The following WASF3 variants were observed in gnomAD, a reference collection of about 807,000 sequenced individuals.
The protein encoded by WASF3 is actin-binding protein WASF3.
Under a neutral mutation model 46.6 loss-of-function variants are expected in WASF3, and 11 were observed. The ratio of observed to expected loss-of-function variants is 0.24; its 90% CI spans 0.15 to 0.39. The LOEUF is 0.39. Ranked by LOEUF, WASF3 falls within the 10% of genes least tolerant of loss-of-function variation. The probability of loss-of-function intolerance (pLI) is 1.00; values close to 1 mark genes in which losing one functional copy is unlikely to be tolerated. For missense variants in WASF3, 576 were observed against 669.8 expected (o/e 0.86, Z 1.55); for synonymous variants, 242 against 259.7 (o/e 0.93, Z 0.65).
At chr13:26,570,269 C>T (rs945696334) in intron 1 of WASF3, among the ~76,000 whole-genome samples, 2 of 152,096 alleles carry the variant, frequency 1.3e-5, no homozygotes, top group Non-Finnish European at 2.9e-5. Flanking sequence ...GCCTGGGGGA[C>T]AAGAGCAAAA....
the WASF3 span, among the ~76,000 whole-genome samples, chr13:26,550,401 A>C: frequency 5.3e-5 from 8 of 152,162 alleles, no homozygotes; most frequent in African/African-American, 1.4e-4. Flanking sequence ...AAGGGAACAG[A>C]TCTTATACAC....
At chr13:26,560,000 T>C (rs1394283461) in intron 1 of WASF3, among the ~76,000 whole-genome samples, 1 of 151,760 alleles carries the variant, frequency 6.6e-6, no homozygotes, top group Non-Finnish European at 1.5e-5. Context: ...GTACTTTTAG[T>C]AGAGATGCAG....
At chr13:26,629,134 G>T (rs1160376773) in intron 2 of WASF3, among the ~76,000 whole-genome samples, 1 of 152,242 alleles carries the variant, frequency 6.6e-6, no homozygotes, top group Non-Finnish European at 1.5e-5. Context: ...GCGATGATGT[G>T]TGGGGTCCAT....
At chr13:26,544,516 G>C in the WASF3 span, among the ~76,000 whole-genome samples, 4 of 152,342 alleles carry the variant, frequency 2.6e-5, no homozygotes, top group Non-Finnish European at 4.4e-5. Flanking sequence ...ATTATCAAAA[G>C]AGTTAAGTGA....
upstream of WASF3, among the ~76,000 whole-genome samples, chr13:26,555,290 G>A (rs556881526): frequency 2.0e-5 from 3 of 152,074 alleles, no homozygotes; most frequent in African/African-American, 7.2e-5. Flanking sequence ...TTAAAAAAGT[G>A]GGTCTTATGA....
In WASF3 at chr13:26,669,529, A is replaced by G. The variant is rs1041899431; in HGVS notation, c.422+1859A>G. 2.0e-5 allele frequency among the ~76,000 whole-genome samples: 3 copies of G among 149,672 alleles called. 1 individual carries two copies. The highest frequency in any genetic ancestry group is 7.4e-5 in the African/African-American group (3 of 40,322). On this transcript the variant is annotated intron_variant, in intron 5 of 9. Transcript: ENST00000335327. ...TGAAAAAAAAATTTTTTTTTTTGAGACGAAGTTTTGCTTCACTCTTGTTGT... is the reference window on the plus strand; with the variant it reads ...TGAAAAAAAAATTTTTTTTTTTGAGGCGAAGTTTTGCTTCACTCTTGTTGT...
intron 1 of WASF3, among the ~76,000 whole-genome samples, chr13:26,587,694 C>CA (rs1880172656): frequency 6.6e-6 from 1 of 152,084 alleles, no homozygotes; most frequent in Non-Finnish European, 1.5e-5. Context: ...TGGGAGAAGA[C>CA]AATCAAGGGG....
chr13:26,548,988 T>C, the WASF3 span, among the ~76,000 whole-genome samples: 1 of 126,022 alleles, frequency 7.9e-6, no homozygotes, highest in African/African-American at 2.8e-5. Context: ...TTTCTTTCTT[T>C]GTTTTTTTTT....
intron 2 of WASF3, among the ~76,000 whole-genome samples, chr13:26,621,597 T>C (rs546541093): frequency 6.6e-6 from 1 of 152,268 alleles, no homozygotes; most frequent in African/African-American, 2.4e-5. Context: ...CCTCTCTGTC[T>C]CCCATCCTGT....
intron 1 of WASF3, among the ~76,000 whole-genome samples, chr13:26,560,160 G>A (rs987004497): frequency 2.6e-5 from 4 of 151,944 alleles, no homozygotes; most frequent in Non-Finnish European, 5.9e-5. Flanking sequence ...TAAGGGCCCT[G>A]TTTCTTTCAA....
At chr13:26,673,586 A>G (rs1474166129) in intron 6 of WASF3, among the ~76,000 whole-genome samples, 1 of 152,184 alleles carries the variant, frequency 6.6e-6, no homozygotes, top group Non-Finnish European at 1.5e-5. Flanking sequence ...ATGAGGCAAG[A>G]TATTCTTTAT....
chr13:26,668,634 G>A (rs970067711), intron 5 of WASF3, among the ~76,000 whole-genome samples: 2 of 152,210 alleles, frequency 1.3e-5, no homozygotes, highest in Non-Finnish European at 2.9e-5. Flanking sequence ...CCTTTCTCAG[G>A]GTCCACAGGG....
intron 1 of WASF3, among the ~76,000 whole-genome samples, chr13:26,595,268 T>A (rs963689026): frequency 6.6e-6 from 1 of 152,232 alleles, no homozygotes; most frequent in Non-Finnish European, 1.5e-5. Flanking sequence ...AGCATCTTTT[T>A]AAATATGGAT....
the WASF3 span, among the ~76,000 whole-genome samples, chr13:26,542,186 T>C: frequency 6.6e-6 from 1 of 152,224 alleles, no homozygotes; most frequent in African/African-American, 2.4e-5. Context: ...ATTGCACACT[T>C]AGAATTATGA....
In WASF3 at chr13:26,575,097, C is replaced by A. The variant is rs146078750; in HGVS notation, c.-109+17278C>A. 6.6e-3 allele frequency among the ~76,000 whole-genome samples: 1,000 copies of A among 152,216 alleles called. 15 individuals are homozygous for A. The highest frequency in any genetic ancestry group is 0.023 in the African/African-American group (956 of 41,540). On this transcript the variant is annotated intron_variant, in intron 1 of 9. Coordinates refer to ENST00000335327, the MANE Select transcript of WASF3 (RefSeq NM_006646.6). ...GTGATCCGCCCACCTTGGCCTCCCA[C>A]AGCGCTGGGATTACAGGCGTGAGCC...
At chr13:26,579,967 T>C (rs1049567422) in intron 1 of WASF3, among the ~76,000 whole-genome samples, 2 of 152,254 alleles carry the variant, frequency 1.3e-5, no homozygotes, top group Non-Finnish European at 2.9e-5. Flanking sequence ...CAACACAAAT[T>C]TGTAAATTTT....
intron 9 of WASF3, among the ~76,000 whole-genome samples, chr13:26,685,211 C>T (rs1442734660): frequency 6.6e-6 from 1 of 152,128 alleles, no homozygotes; most frequent in Admixed American, 6.5e-5. Flanking sequence ...AAAGGTTTCT[C>T]AGTTACTTCT....
At chr13:26,539,347 TGA>T in the WASF3 span, among the ~76,000 whole-genome samples, 1 of 151,706 alleles carries the variant, frequency 6.6e-6, no homozygotes, top group Non-Finnish European at 1.5e-5. Flanking sequence ...GGTGGAAAAA[TGA>T]GAGAGAAGGA....
chr13:26,659,036 A>G (rs1317583497), intron 3 of WASF3, among the ~76,000 whole-genome samples: 1 of 152,204 alleles, frequency 6.6e-6, no homozygotes, highest in Middle Eastern at 3.2e-3. Flanking sequence ...CAGATGAGAA[A>G]CAAGATGAAT....
Sources: allele counts gnomAD v4.1 joint callset (sites outside exome capture counted in the v4.1 genomes callset), GRCh38; gene constraint gnomAD v4.1.1; transcripts MANE v1.5; gene names NCBI Gene and HGNC (gene_info 2026-07-23, HGNC 2026-07-21).